Variants in UGT3A2 observed in about 807,000 individuals in gnomAD.
UGT3A2 encodes UDP glycosyltransferase family 3 member A2.
Under a neutral mutation model 39.8 loss-of-function variants are expected in UGT3A2, and 32 were observed. The ratio of observed to expected loss-of-function variants is 0.80; its 90% CI spans 0.61 to 1.08. The LOEUF (loss-of-function observed/expected upper bound fraction) is 1.08. UGT3A2 is among the 50% of genes least tolerant of loss of function. The probability of loss-of-function intolerance (pLI) is 0.00; values close to 1 mark genes in which losing one functional copy is unlikely to be tolerated. For synonymous variants in UGT3A2, 241 were observed against 230.7 expected, an observed-to-expected ratio of 1.04 and a Z score of -0.40; for missense variants, 611 against 637.1, an observed-to-expected ratio of 0.96 and a Z score of 0.44.
At chr5:36,063,587 A>G (rs143195906) in intron 2 of UGT3A2, among the ~76,000 whole-genome samples, 1 of 152,322 alleles carries the variant, frequency 6.6e-6, no homozygotes, top group African/African-American at 2.4e-5. Context: ...AAGAACAGTG[A>G]TTCTTACATG....
At chr5:36,044,558 T>C (rs986404566) in intron 4 of UGT3A2, among the ~76,000 whole-genome samples, 1 of 152,170 alleles carries the variant, frequency 6.6e-6, no homozygotes, top group African/African-American at 2.4e-5. Context: ...TTGCAAATTA[T>C]ATAATCTTAT....
chr5:36,061,391 TC>T (rs1742698627), intron 2 of UGT3A2, among the ~76,000 whole-genome samples: 1 of 61,328 alleles, frequency 1.6e-5, no homozygotes, highest in South Asian at 7.3e-4. Flanking sequence ...CCCTCCCCCC[TC>T]CCCCCACCCC....
At chr5:36,057,537 C>T (rs1445871906) in intron 2 of UGT3A2, among the ~76,000 whole-genome samples, 12 of 134,740 alleles carry the variant, frequency 8.9e-5, no homozygotes, top group African/African-American at 2.4e-4. Context: ...CTCTCTCTCT[C>T]TTTTTTTTTT....
intron 5 of UGT3A2, among the ~76,000 whole-genome samples, chr5:36,038,971 C>T (rs978119652): frequency 3.2e-4 from 48 of 152,314 alleles, no homozygotes; most frequent in African/African-American, 1.1e-3. Context: ...CTAAAGACAT[C>T]ATTGGCATTA....
At chr5:36,056,669 C>A (rs1329530062) in intron 2 of UGT3A2, among the ~76,000 whole-genome samples, 4 of 152,210 alleles carry the variant, frequency 2.6e-5, no homozygotes, top group Non-Finnish European at 1.5e-5. Flanking sequence ...GGCTGTCCAG[C>A]CATACAATTG....
In UGT3A2 at chr5:36,035,668, A is replaced by G; in HGVS notation, c.*30T>C. 1 of 1,605,338 alleles carries G rather than the reference A, an allele frequency of 6.2e-7. No individual in the cohort carries two copies. The highest frequency in any genetic ancestry group is 8.5e-7 in the Non-Finnish European group (1 of 1,173,712). ...CCTAGAAATGGTGACATCGCCCACC[A>G]AACAGACCCCGCCAAGGCTGCACCT... On this transcript the variant is annotated 3_prime_UTR_variant, in exon 7 of 7. Coordinates refer to ENST00000282507, the MANE Select transcript of UGT3A2 (RefSeq NM_174914.4).
chr5:36,054,480 C>T (rs957644566), intron 2 of UGT3A2, among the ~76,000 whole-genome samples: 1 of 152,114 alleles, frequency 6.6e-6, no homozygotes, highest in African/African-American at 2.4e-5. Context: ...TCATCTAAAG[C>T]TCATCAGCTC....
At chr5:36,036,112 C>T (rs2111681250) in intron 6 of UGT3A2, 138 bp from the exon 7 acceptor site, 1 of 1,131,012 alleles carries the variant, frequency 8.8e-7, no homozygotes, top group East Asian at 2.6e-5. Flanking sequence ...CCTGGTTCCC[C>T]TTGAAATTTA....
chr5:36,055,914 T>G (rs1742496210), intron 2 of UGT3A2, among the ~76,000 whole-genome samples: 1 of 152,220 alleles, frequency 6.6e-6, no homozygotes, highest in Non-Finnish European at 1.5e-5. Context: ...ATATTTTATT[T>G]TATGTGTAGA....
In UGT3A2 at chr5:36,035,641, T is replaced by C. The variant is rs2111678251; in HGVS notation, c.*57A>G. 2 of 1,573,978 alleles carry C rather than the reference T, an allele frequency of 1.3e-6. No homozygotes were observed. Among genetic ancestry groups the C allele is most frequent in the South Asian group, 2.3e-5 (2 of 85,464 alleles). On this transcript the variant is annotated 3_prime_UTR_variant, in exon 7 of 7. Transcript: ENST00000282507. Reference sequence around the variant, plus strand: ...GGGGCTGCCAGAACTAGTGGGAAGCTCCCTAGAAATGGTGACATCGCCCAC... The same window carrying C: ...GGGGCTGCCAGAACTAGTGGGAAGCCCCCTAGAAATGGTGACATCGCCCAC...
At position 36,038,016 on chromosome 5, in the gene UGT3A2, G is replaced by A. The variant is rs1434976029; in HGVS notation, c.1076C>T (p.Ala359Val). The change falls in exon 6 of 7, where the codon GCT (alanine) becomes GTT (valine). Residue 359 changes from alanine (A) to valine (V), a missense_variant and splice_region_variant. By Grantham distance (64) the Ala-to-Val change is moderately conservative. Transcript: ENST00000282507. ...GACAAACAGACGGATGCTTGGGTGA[G>A]CTGTTGTAAATAAGAAAGAGGGTGG... ...VDWLPQSDLL[A>V]HPSIRLFVTH... 1.3e-6 allele frequency: 2 copies of A among 1,588,054 alleles called. No homozygotes were observed. The highest frequency in any genetic ancestry group is 1.7e-6 in the Non-Finnish European group (2 of 1,171,156).
Position 36,035,656 on chromosome 5 carries a change from A to G in UGT3A2, c.*42T>C. On this transcript the variant is annotated 3_prime_UTR_variant, in exon 7 of 7. Coordinates refer to ENST00000282507, the MANE Select transcript of UGT3A2 (RefSeq NM_174914.4). The stretch of plus-strand genomic sequence containing the variant: ...AGTGGGAAGCTCCCTAGAAATGGTG[A>G]CATCGCCCACCAAACAGACCCCGCC... 6.3e-7 allele frequency: 1 copy of G among 1,594,914 alleles called. No homozygotes were observed. The highest frequency in any genetic ancestry group is 8.6e-7 in the Non-Finnish European group (1 of 1,167,622).
At chr5:36,050,375 C>T (rs1186656434) in intron 3 of UGT3A2, among the ~76,000 whole-genome samples, 1 of 152,126 alleles carries the variant, frequency 6.6e-6, no homozygotes, top group Non-Finnish European at 1.5e-5. Context: ...AGTGCAAGAG[C>T]TCTAGATATC....
At chr5:36,052,083 T>C (rs1184744805) in intron 2 of UGT3A2, 99 bp from the exon 3 acceptor site, 1 of 702,694 alleles carries the variant, frequency 1.4e-6, no homozygotes, top group African/African-American at 1.8e-5. Context: ...AGATTATGTA[T>C]GTATTTGAAT....
chr5:36,039,459 G>A lies in UGT3A2; in HGVS notation c.1075+18C>T, dbSNP rs1295421861. ...ACAGGTCAGTGGAAGGAGAGGAGCA[G>A]TCCTGGGCAGCCCTTACCCAGGAGG... On this transcript the variant is annotated intron_variant, in intron 5 of 6. Coordinates refer to ENST00000282507, the MANE Select transcript of UGT3A2 (RefSeq NM_174914.4). The A allele has an allele frequency of 6.2e-7, 1 of 1,608,160 alleles. No homozygotes were observed. The highest frequency in any genetic ancestry group is 2.2e-5 in the East Asian group (1 of 44,854).
At chr5:36,063,256 T>C (rs1742769131) in intron 2 of UGT3A2, among the ~76,000 whole-genome samples, 1 of 152,152 alleles carries the variant, frequency 6.6e-6, no homozygotes, top group South Asian at 2.1e-4. Context: ...TATTGAGCAA[T>C]TTGGAGCATA....
At position 36,039,457 on chromosome 5, in the gene UGT3A2, C is replaced by T. The variant is rs756890050; in HGVS notation, c.1075+20G>A. ...AGACAGGTCAGTGGAAGGAGAGGAG[C>T]AGTCCTGGGCAGCCCTTACCCAGGA... On this transcript the variant is annotated intron_variant, in intron 5 of 6. Coordinates refer to ENST00000282507, the MANE Select transcript of UGT3A2 (RefSeq NM_174914.4). 2 of 1,608,174 alleles carry T rather than the reference C, an allele frequency of 1.2e-6. No homozygotes were observed. The highest frequency in any genetic ancestry group is 3.3e-5 in the Admixed American group (2 of 60,024).
At chr5:36,063,610 A>C (rs979107833) in intron 2 of UGT3A2, among the ~76,000 whole-genome samples, 1 of 152,206 alleles carries the variant, frequency 6.6e-6, no homozygotes, top group African/African-American at 2.4e-5. Context: ...AGAAGTGTTA[A>C]ATAAGGCTGA....
At chr5:36,046,915 A>C (rs879654320) in intron 4 of UGT3A2, among the ~76,000 whole-genome samples, 2 of 152,220 alleles carry the variant, frequency 1.3e-5, no homozygotes, top group Non-Finnish European at 2.9e-5. Flanking sequence ...TTTTGAAAGG[A>C]AAATAAATCT....
Sources: gnomAD v4.1 joint callset for allele counts (sites outside exome capture counted in the v4.1 genomes callset) on GRCh38, gnomAD v4.1.1 for gene constraint, MANE v1.5 for transcripts, NCBI Gene and HGNC (gene_info 2026-07-23, HGNC 2026-07-21) for gene names.